GRIPAP1: variants seen among roughly 807,000 people sequenced by gnomAD.
The protein encoded by GRIPAP1 is GRIP1 associated protein 1.
In GRIPAP1, 14 loss-of-function variants were observed where a neutral mutation model predicts 84.1. That is an observed-to-expected ratio of 0.17 (90% CI 0.11 to 0.26). GRIPAP1 has a LOEUF of 0.26. GRIPAP1 is among the 10% of genes least tolerant of loss of function. The probability of loss-of-function intolerance (pLI) is 1.00; values close to 1 mark genes in which losing one functional copy is unlikely to be tolerated. For missense variants in GRIPAP1, 518 were observed against 674.2 expected, an observed-to-expected ratio of 0.77 and a Z score of 2.57; for synonymous variants, 261 against 256.8, an observed-to-expected ratio of 1.02 and a Z score of -0.15.
At chrX:48,982,911 C>T in intron 17 of GRIPAP1, 68 bp downstream of exon 17, 1 of 705,982 alleles carries the variant, frequency 1.4e-6, no homozygotes, top group Non-Finnish European at 2.3e-6. Context: ...CCTGACCACT[C>T]CTGCTTCTGT....
rs782281062 is a variant in GRIPAP1 at position 49,002,220 on chromosome X, C to T, written c.10G>A (p.Ala4Thr). MAQ[A>T]LSEEEFQRMQ... ...CGCTGAAACTCCTCCTCAGACAGAG[C>T]TTGCGCCATGTTCCTCCCCCCACCC... The change falls in exon 1 of 26, where the codon GCT becomes ACT. Residue 4 changes from alanine to threonine, a missense_variant. By Grantham distance (58) the Ala-to-Thr change is moderately conservative. Coordinates refer to ENST00000376423, the MANE Select transcript of GRIPAP1 (RefSeq NM_020137.5). 2.6e-6 allele frequency: 3 copies of T among 1,164,690 alleles called. No homozygotes were observed. Among genetic ancestry groups the T allele is most frequent in the South Asian group, 1.8e-5 (1 of 54,588 alleles).
At position 48,978,194 on chromosome X, in the gene GRIPAP1, G is replaced by T. The variant is rs1429356054; in HGVS notation, c.2061+111C>A. ...TGGGGAAAAGTTGACAAGAAAATATGTGTGCTGCGCCCAAAGTAGGAGATG... is the reference window on the plus strand; with the variant it reads ...TGGGGAAAAGTTGACAAGAAAATATTTGTGCTGCGCCCAAAGTAGGAGATG... On this transcript the variant is annotated intron_variant, in intron 22 of 25. Transcript: ENST00000376423. 27 of 836,610 alleles carry T rather than the reference G, an allele frequency of 3.2e-5. No individual in the cohort carries two copies. In the African/African-American group the frequency reaches 4.7e-4, roughly 15 times the overall value. 68.9% of individuals were successfully genotyped at this position (836,610 alleles called of 1,213,427 possible). A position where few individuals can be genotyped will look rare whatever the true frequency, so the allele number is the denominator to read the frequency against.
rs1557067062 is a variant in GRIPAP1 at position 48,997,346 on chromosome X, T to C, written c.210A>G (p.Val70=). 1.8e-6 allele frequency: 2 copies of C among 1,135,413 alleles called. No individual in the cohort carries two copies. The highest frequency in any genetic ancestry group is 3.1e-5 in the East Asian group (1 of 32,775). The allele number at this position is 1,135,413 out of a possible 1,213,427, so 93.6% of individuals were successfully genotyped here. The part of the protein sequence containing the change: ...SKSKKAQEVE[V]LLSENEMLQA... ...GCAGCATCTCATTTTCACTCAGCAATACCTCGACTTCCTGCAGTGGCAGAC... is the reference window on the plus strand; with the variant it reads ...GCAGCATCTCATTTTCACTCAGCAACACCTCGACTTCCTGCAGTGGCAGAC... The change falls in exon 5 of 26, where the codon GTA becomes GTG. Residue 70 remains valine (V), a synonymous_variant. Transcript: ENST00000376423.
intron 21 of GRIPAP1, chrX:48,980,909 G>C: frequency 3.3e-6 from 1 of 302,266 alleles, no homozygotes; most frequent in Non-Finnish European, 5.8e-6. Flanking sequence ...GAGAGAAAAG[G>C]AGAAAACTAG....
intron 5 of GRIPAP1, among the ~76,000 whole-genome samples, chrX:48,996,775 C>G (rs1269647214): frequency 3.6e-5 from 4 of 111,873 alleles, no homozygotes; most frequent in Non-Finnish European, 7.5e-5. Context: ...GATTTAGAAA[C>G]AGACAGGACA....
At chrX:48,987,037 G>A (rs2064492521) in intron 13 of GRIPAP1, among the ~76,000 whole-genome samples, 2 of 100,539 alleles carry the variant, frequency 2.0e-5, no homozygotes, top group Admixed American at 1.1e-4. Flanking sequence ...TAGTAGAGAC[G>A]GGGTTTCTCT....
At chrX:48,996,912 C>T (rs1009853699) in intron 5 of GRIPAP1, among the ~76,000 whole-genome samples, 3 of 111,234 alleles carry the variant, frequency 2.7e-5, no homozygotes, top group Non-Finnish European at 5.7e-5. Context: ...CTTTTCCATC[C>T]TATATTAAGC....
At chrX:48,996,077 C>A (rs1369994311) in intron 5 of GRIPAP1, among the ~76,000 whole-genome samples, 7 of 111,592 alleles carry the variant, frequency 6.3e-5, no homozygotes, top group Non-Finnish European at 9.4e-5. Flanking sequence ...ATTATCATGA[C>A]TTCCATTTTA....
intron 11 of GRIPAP1, among the ~76,000 whole-genome samples, chrX:48,989,164 A>C (rs782755239): frequency 9.0e-6 from 1 of 110,851 alleles, no homozygotes; most frequent in East Asian, 2.8e-4. Flanking sequence ...AGCCCCAACT[A>C]TCTCACCCTT....
chrX:48,991,087 C>T lies in GRIPAP1; in HGVS notation c.481G>A (p.Glu161Lys), dbSNP rs782689166. The T allele has an allele frequency of 5.0e-6, 6 of 1,200,603 alleles. No homozygotes were observed. In the African/African-American group the frequency reaches 1.0e-4, roughly 21 times the overall value. Residue 161 changes from glutamate (E) to lysine (K), a missense_variant, in exon 7 of 26, where the codon GAA (glutamate) becomes AAA (lysine). By Grantham distance (56) the Glu-to-Lys change is moderately conservative. Coordinates refer to ENST00000376423, the MANE Select transcript of GRIPAP1 (RefSeq NM_020137.5). ...CTGACAGCTGAGAACTTCCCGGCTT[C>T]TTTCCCATAGCGTTCCTGCAGGGCT... ...VAALQERYGK[E>K]AGKFSAVSEG...
chrX:48,988,030 G>T lies in GRIPAP1; in HGVS notation c.948+91C>A. ...ACACACGAAGGCCTGGGGGAAGCAG[G>T]ATCCCTGGGACCTTGCCTGACTATG... On this transcript the variant is annotated intron_variant, in intron 12 of 25. Coordinates refer to ENST00000376423, the MANE Select transcript of GRIPAP1 (RefSeq NM_020137.5). The T allele has an allele frequency of 8.3e-6, 6 of 724,903 alleles. No individual in the cohort carries two copies. The South Asian group carries it at 1.4e-4, about 17-fold the overall frequency. 59.7% of individuals were successfully genotyped at this position (724,903 alleles called of 1,213,427 possible). A position where few individuals can be genotyped will look rare whatever the true frequency, so the allele number is the denominator to read the frequency against.
At chrX:48,990,579 T>C in intron 8 of GRIPAP1, 106 bp downstream of exon 8, 1 of 611,224 alleles carries the variant, frequency 1.6e-6, no homozygotes, top group Non-Finnish European at 2.7e-6. Flanking sequence ...TGATGAAACC[T>C]AGGCTTTGAT....
intron 14 of GRIPAP1, among the ~76,000 whole-genome samples, chrX:48,984,780 C>T (rs1413143417): frequency 2.0e-5 from 2 of 101,085 alleles, no homozygotes; most frequent in Non-Finnish European, 3.9e-5. Flanking sequence ...ACCAGCACTT[C>T]GGGAGGCCGA....
chrX:48,988,316 T>C, intron 11 of GRIPAP1, 118 bp from the exon 12 acceptor site: 1 of 506,777 alleles, frequency 2.0e-6, no homozygotes, highest in South Asian at 2.9e-5. Flanking sequence ...GGTCTCAGAC[T>C]ATCCAGCCAA....
chrX:48,983,737 C>T, intron 15 of GRIPAP1, 38 bp downstream of exon 15: 2 of 825,649 alleles, frequency 2.4e-6, no homozygotes, highest in Non-Finnish European at 3.7e-6. Flanking sequence ...CCAATTCCTA[C>T]CCCCCATCCT....
At chrX:48,975,112 G>A in intron 25 of GRIPAP1, 43 bp downstream of exon 25, 8 of 1,178,829 alleles carry the variant, frequency 6.8e-6, no homozygotes, top group Non-Finnish European at 9.2e-6. Flanking sequence ...GGGTAGGCAG[G>A]TGGCTGGGTG....
chrX:48,997,875 A>G (rs376451299), intron 4 of GRIPAP1: 17 of 387,138 alleles, frequency 4.4e-5, no homozygotes, highest in East Asian at 1.8e-4. Flanking sequence ...GACAAAGAGA[A>G]GATTGGGAAG....
At chrX:48,987,442 C>CT (rs782089098) in intron 13 of GRIPAP1, among the ~76,000 whole-genome samples, 1,148 of 83,108 alleles carry the variant, frequency 0.014, 21 homozygotes, top group African/African-American at 0.022. Context: ...CCACCACGCC[C>CT]TTTTTTTTTT....
intron 17 of GRIPAP1, among the ~76,000 whole-genome samples, chrX:48,982,274 C>G (rs1208709309): frequency 1.8e-5 from 2 of 112,014 alleles, no homozygotes; most frequent in African/African-American, 6.5e-5. Flanking sequence ...AGGAAATGGC[C>G]CAGCCAGGAT....
Sources: allele counts gnomAD v4.1 joint callset (sites outside exome capture counted in the v4.1 genomes callset), GRCh38; gene constraint gnomAD v4.1.1; transcripts MANE v1.5; gene names NCBI Gene and HGNC (gene_info 2026-07-23, HGNC 2026-07-21).